The following DTX4 variants were observed in gnomAD, a reference collection of about 807,000 sequenced individuals.
The protein encoded by DTX4 is E3 ubiquitin-protein ligase DTX4.
DTX4 carries 28 observed loss-of-function variants against 57.6 expected under a neutral mutation model. The observed-to-expected ratio is 0.49, with a 90% CI of 0.36 to 0.67. DTX4 has a LOEUF of 0.67. Ranked by LOEUF, DTX4 falls within the 30% of genes least tolerant of loss-of-function variation. The pLI is 0.00. For synonymous variants in DTX4, 316 were observed against 331.0 expected, an observed-to-expected ratio of 0.95 and a Z score of 0.49; for missense variants, 715 against 836.8, an observed-to-expected ratio of 0.85 and a Z score of 1.80.
rs1259745156 is a variant in DTX4 at position 59,206,390 on chromosome 11, G to A, written c.*1481G>A. On this transcript the variant is annotated 3_prime_UTR_variant, in exon 9 of 9. Coordinates refer to ENST00000227451, the MANE Select transcript of DTX4 (RefSeq NM_015177.2). The stretch of plus-strand genomic sequence containing the variant: ...TGGGGGCCAGGGAGGAGAACAGGGG[G>A]GATCAAGAAGGGAAACCCAATTCCC... 6.6e-6 allele frequency: 1 copy of A among 152,378 alleles called. No individual in the cohort carries two copies. Among genetic ancestry groups the A allele is most frequent in the Non-Finnish European group, 1.5e-5 (1 of 67,998 alleles). The allele number at this position is 152,378 out of a possible 1,614,324, so 9.4% of individuals were successfully genotyped here.
At chr11:59,194,123 C>T (rs888144510) in intron 6 of DTX4, among the ~76,000 whole-genome samples, 4 of 152,256 alleles carry the variant, frequency 2.6e-5, no homozygotes, top group South Asian at 2.1e-4. Context: ...ATGGAGCCAC[C>T]GAGTTGCAAT....
At chr11:59,190,023 A>G (rs775167098) in intron 4 of DTX4, among the ~76,000 whole-genome samples, 1 of 152,172 alleles carries the variant, frequency 6.6e-6, no homozygotes. Flanking sequence ...AAATTGGATC[A>G]TGTGTGTGTT....
chr11:59,200,805 A>G (rs1357957138), intron 8 of DTX4, among the ~76,000 whole-genome samples: 1 of 152,232 alleles, frequency 6.6e-6, no homozygotes, highest in African/African-American at 2.4e-5. Context: ...AAGGAGTAGG[A>G]ACCATTGATC....
Position 59,172,477 on chromosome 11 carries a change from G to T in DTX4, c.-119G>T. ...GGAGCTGAGGCTGCCCGGGGCGGCG[G>T]GGCGCGGGGCAGGGGGCGCGGTCGA... On this transcript the variant is annotated 5_prime_UTR_variant, in exon 1 of 9. Coordinates refer to ENST00000227451, the MANE Select transcript of DTX4 (RefSeq NM_015177.2). 2.3e-6 allele frequency: 1 copy of T among 430,144 alleles called. No individual in the cohort carries two copies. The highest frequency in any genetic ancestry group is 3.3e-6 in the Non-Finnish European group (1 of 300,450). The allele number at this position is 430,144 out of a possible 1,614,324, so 26.6% of individuals were successfully genotyped here.
In DTX4 at chr11:59,182,449, C is replaced by T. The variant is rs769903609; in HGVS notation, c.922C>T (p.Leu308=). Residue 308 remains leucine (L), a synonymous_variant, in exon 2 of 9, where the codon CTG becomes TTG. Coordinates refer to ENST00000227451, the MANE Select transcript of DTX4 (RefSeq NM_015177.2). ...QRLAIAQSRV[L]IASGVPTVPV... ...ACTGGCCATTGCCCAGTCCCGGGTGCTGATCGCCTCTGGGTAAGTGCTTCC... is the reference window on the plus strand; with the variant it reads ...ACTGGCCATTGCCCAGTCCCGGGTGTTGATCGCCTCTGGGTAAGTGCTTCC... 2.5e-6 allele frequency: 4 copies of T among 1,605,412 alleles called. No homozygotes were observed. The African/African-American group carries it at 5.4e-5, about 21-fold the overall frequency.
At chr11:59,199,863 A>C in intron 8 of DTX4, 90 bp downstream of exon 8, 2 of 1,075,766 alleles carry the variant, frequency 1.9e-6, no homozygotes, top group South Asian at 1.4e-5. Context: ...TGCTTCTTAC[A>C]ATGCACAGAC....
chr11:59,208,085 T>TC lies in DTX4; in HGVS notation c.*3177dup, dbSNP rs1308089552. 1 of 152,594 alleles carries TC rather than the reference T, an allele frequency of 6.6e-6. No homozygotes were observed. Among genetic ancestry groups the TC allele is most frequent in the African/African-American group, 2.4e-5 (1 of 41,428 alleles). 9.5% of individuals were successfully genotyped at this position (152,594 alleles called of 1,614,324 possible). ...GTTTGTAACTGGAATGTTTTTGAAG[T>TC]CTTTGGTGTTGCTCCGTGAAAGGAC... On this transcript the variant is annotated 3_prime_UTR_variant, in exon 9 of 9. Coordinates refer to ENST00000227451, the MANE Select transcript of DTX4 (RefSeq NM_015177.2).
In DTX4 at chr11:59,179,941, C is replaced by T. The variant is rs574978647; in HGVS notation, c.212-1798C>T. Among the ~76,000 whole-genome samples, 150 of 149,292 alleles carry T rather than the reference C, an allele frequency of 1.0e-3. 2 individuals carry two copies. The highest frequency in any genetic ancestry group is 3.2e-3 in the African/African-American group (133 of 41,274). The stretch of plus-strand genomic sequence containing the variant: ...ACACAGACACACACACACACACACA[C>T]CCTCACACACCCTGAGCTAAACCTT... On this transcript the variant is annotated intron_variant, in intron 1 of 8. Coordinates refer to ENST00000227451, the MANE Select transcript of DTX4 (RefSeq NM_015177.2).
At position 59,182,242 on chromosome 11, in the gene DTX4, C is replaced by G; in HGVS notation, c.715C>G (p.Pro239Ala). The change falls in exon 2 of 9, where the codon CCA (proline) becomes GCA (alanine). Residue 239 changes from proline to alanine, a missense_variant. Coordinates refer to ENST00000227451, the MANE Select transcript of DTX4 (RefSeq NM_015177.2). ...CCCACTGCCAGGCTCTGGGGCCAAG[C>G]CACTGGACAGCACAGGCACCATTCG... ...LPPLPGSGAK[P>A]LDSTGTIRGP... 4 of 1,611,148 alleles carry G rather than the reference C, an allele frequency of 2.5e-6. No individual in the cohort carries two copies. Among genetic ancestry groups the G allele is most frequent in the Non-Finnish European group, 3.4e-6 (4 of 1,178,866 alleles).
At chr11:59,182,507 G>C (rs763758973) in intron 2 of DTX4, 45 bp downstream of exon 2, 3 of 1,527,710 alleles carry the variant, frequency 2.0e-6, no homozygotes, top group South Asian at 2.5e-5. Flanking sequence ...TCAGGGTAGA[G>C]ATAGGCTACA....
intron 1 of DTX4, among the ~76,000 whole-genome samples, chr11:59,174,321 G>C (rs1167770916): frequency 6.6e-6 from 1 of 151,938 alleles, no homozygotes; most frequent in Non-Finnish European, 1.5e-5. Flanking sequence ...AAGTGTGGCT[G>C]AGGGGGAGGG....
At chr11:59,194,775 G>T (rs1862641518) in intron 6 of DTX4, 1 of 203,664 alleles carries the variant, frequency 4.9e-6, no homozygotes, top group Non-Finnish European at 9.8e-6. Flanking sequence ...CTTACTCAGT[G>T]GACCCGATGT....
In DTX4 at chr11:59,207,982, C is replaced by T. The variant is rs991781143; in HGVS notation, c.*3073C>T. 6 of 152,436 alleles carry T rather than the reference C, an allele frequency of 3.9e-5. No individual in the cohort carries two copies. Among genetic ancestry groups the T allele is most frequent in the African/African-American group, 1.5e-4 (6 of 41,328 alleles). The allele number at this position is 152,436 out of a possible 1,614,324, so 9.4% of individuals were successfully genotyped here. A position where few individuals can be genotyped will look rare whatever the true frequency, so the allele number is the denominator to read the frequency against. ...CTGGTACAAGAAAGGACCCCTGACCCCTTTCCTTCTCTGTGGTCCCCGGCA... is the reference window on the plus strand; with the variant it reads ...CTGGTACAAGAAAGGACCCCTGACCTCTTTCCTTCTCTGTGGTCCCCGGCA... On this transcript the variant is annotated 3_prime_UTR_variant, in exon 9 of 9. Transcript: ENST00000227451.
At chr11:59,187,212 A>G (rs1326013796) in intron 2 of DTX4, among the ~76,000 whole-genome samples, 4 of 152,266 alleles carry the variant, frequency 2.6e-5, no homozygotes, top group Non-Finnish European at 2.9e-5. Flanking sequence ...TTACGTAAAC[A>G]CAAGAGCCTG....
At chr11:59,195,989 C>T (rs536327838) in intron 7 of DTX4, among the ~76,000 whole-genome samples, 1 of 152,208 alleles carries the variant, frequency 6.6e-6, no homozygotes, top group Non-Finnish European at 1.5e-5. Flanking sequence ...GAAAGACAGT[C>T]CTGAAGAACA....
At position 59,199,712 on chromosome 11, in the gene DTX4, G is replaced by C; in HGVS notation, c.1565G>C (p.Ser522Thr). 1 of 1,578,434 alleles carries C rather than the reference G, an allele frequency of 6.3e-7. No homozygotes were observed. Among genetic ancestry groups the C allele is most frequent in the Non-Finnish European group, 8.6e-7 (1 of 1,161,804 alleles). ...CCGGAACACCCGAATCCTGGGAAGA[G>C]TTTCAGCGCCCGAGGCTTCCCACGA... ...QGPEHPNPGKSFSARGFPRHC... is the reference protein window; with the variant it reads ...QGPEHPNPGKTFSARGFPRHC... The change falls in exon 8 of 9, where the codon AGT (serine) becomes ACT (threonine). Residue 522 changes from serine to threonine, a missense_variant. By Grantham distance (58) the Ser-to-Thr change is moderately conservative. Transcript: ENST00000227451.
At chr11:59,203,522 G>A (rs1862764486) in intron 8 of DTX4, among the ~76,000 whole-genome samples, 2 of 152,128 alleles carry the variant, frequency 1.3e-5, no homozygotes, top group South Asian at 2.1e-4. Flanking sequence ...AAGGCCCTGG[G>A]GACAATAACA....
intron 8 of DTX4, among the ~76,000 whole-genome samples, chr11:59,201,684 G>A (rs146548379): frequency 1.2e-3 from 177 of 152,310 alleles, no homozygotes; most frequent in African/African-American, 3.9e-3. Flanking sequence ...ATGTGCGAGT[G>A]CAGTGTCCCC....
intron 1 of DTX4, among the ~76,000 whole-genome samples, chr11:59,175,333 T>C (rs1862381957): frequency 6.6e-6 from 1 of 152,236 alleles, no homozygotes. Context: ...TTTCCTGACA[T>C]GAGAGCTTTG....
Sources: allele counts gnomAD v4.1 joint callset (sites outside exome capture counted in the v4.1 genomes callset), GRCh38; gene constraint gnomAD v4.1.1; transcripts MANE v1.5; gene names NCBI Gene and HGNC (gene_info 2026-07-23, HGNC 2026-07-21).